The following SV2B variants were observed in gnomAD, a reference collection of about 807,000 sequenced individuals.
The protein encoded by SV2B is solute carrier family 22 member B2.
SV2B carries 41 observed loss-of-function variants against 73.9 expected under a neutral mutation model. The observed-to-expected ratio is 0.56, with a 90% CI of 0.43 to 0.72. SV2B has a LOEUF of 0.72. SV2B is among the 30% of genes least tolerant of loss of function. SV2B has a pLI of 0.00. For missense variants in SV2B, 764 were observed against 857.8 expected (o/e 0.89, Z 1.37); for synonymous variants, 314 against 314.2 (o/e 1.00, Z 0.01).
At position 91,281,510 on chromosome 15, in the gene SV2B, C is replaced by T. The variant is rs560396661; in HGVS notation, c.1374-218C>T. The stretch of plus-strand genomic sequence containing the variant: ...ACCAGCAGGTTGGTGCATAGCACTC[C>T]GTATGCACCTACGCTAGACACTGGC... On this transcript the variant is annotated intron_variant, in intron 9 of 12. Coordinates refer to ENST00000394232, the MANE Select transcript of SV2B (RefSeq NM_001323032.3). This position sits in a 1 kb window ranked among gnomAD's most constrained non-coding sequence, Gnocchi z 4.7. Among the ~76,000 whole-genome samples, 293 of 152,296 alleles carry T rather than the reference C, an allele frequency of 1.9e-3. 1 individual carries two copies. Among genetic ancestry groups the T allele is most frequent in the Non-Finnish European group, 2.9e-3 (199 of 68,032 alleles).
At chr15:91,133,119 G>C (rs1306083939) in intron 1 of SV2B, among the ~76,000 whole-genome samples, 1 of 152,150 alleles carries the variant, frequency 6.6e-6, no homozygotes. Flanking sequence ...ACTTCAATAT[G>C]ATCACAGCAA....
chr15:91,284,095 A>G lies in SV2B; in HGVS notation c.1582A>G (p.Met528Val). 1 of 1,614,134 alleles carries G rather than the reference A, an allele frequency of 6.2e-7. No individual in the cohort carries two copies. Among genetic ancestry groups the G allele is most frequent in the Non-Finnish European group, 8.5e-7 (1 of 1,180,028 alleles). The change falls in exon 11 of 13, where the codon ATG becomes GTG. Residue 528 changes from methionine to valine, a missense_variant. Met to Val is a conservative substitution (Grantham distance 21, BLOSUM62 1). Coordinates refer to ENST00000394232, the MANE Select transcript of SV2B (RefSeq NM_001323032.3). The surrounding 1 kb of genome is among the most constrained non-coding windows in gnomAD (Gnocchi z 4.5). ...TFLEQKEGCH[M>V]DLEQDNDFLI... ...CCTGGAGCAGAAGGAGGGCTGCCAC[A>G]TGGACTTGGAGCAAGATAATGACTT...
In SV2B at chr15:91,252,049, C is replaced by T. The variant is rs373474055; in HGVS notation, c.632+50C>T. On this transcript the variant is annotated intron_variant, in intron 3 of 12. Coordinates refer to ENST00000394232, the MANE Select transcript of SV2B (RefSeq NM_001323032.3). The surrounding 1 kb of genome is among the most constrained non-coding windows in gnomAD (Gnocchi z 4.6). ...GGACCATCCCAGACCAATGGCCCAT[C>T]CATTCTGGTATTCTAGCTCCAAGAG... The T allele has an allele frequency of 3.8e-6, 6 of 1,589,826 alleles. No individual in the cohort carries two copies. The African/African-American group carries it at 5.4e-5, about 14-fold the overall frequency.
In SV2B at chr15:91,137,139, A is replaced by G. The variant is rs915955812; in HGVS notation, c.-392+36776A>G. Among the ~76,000 whole-genome samples, 6 of 152,220 alleles carry G rather than the reference A, an allele frequency of 3.9e-5. No homozygotes were observed. The highest frequency in any genetic ancestry group is 8.8e-5 in the Non-Finnish European group (6 of 68,040). ...TCCTCAGCTGGGAGGTGAGAGGGCC[A>G]GGTCACATAACCTCCAAATCCCATG... On this transcript the variant is annotated intron_variant, in intron 1 of 12. Coordinates refer to ENST00000394232, the MANE Select transcript of SV2B (RefSeq NM_001323032.3). This position sits in a 1 kb window ranked among gnomAD's most constrained non-coding sequence, Gnocchi z 4.9.
In SV2B at chr15:91,234,243, G is replaced by A. The variant is rs527796168; in HGVS notation, c.451+7529G>A. On this transcript the variant is annotated intron_variant, in intron 2 of 12. Transcript: ENST00000394232. This position sits in a 1 kb window ranked among gnomAD's most constrained non-coding sequence, Gnocchi z 5.6. Reference sequence around the variant, plus strand: ...AGACTTACTCACCCTCACTTGGAGGGTTCAGAGGACACATCTTTTACCATG... The same window carrying A: ...AGACTTACTCACCCTCACTTGGAGGATTCAGAGGACACATCTTTTACCATG... Among the ~76,000 whole-genome samples the A allele has an allele frequency of 9.9e-5, 15 of 152,200 alleles. No homozygotes were observed. The highest frequency in any genetic ancestry group is 2.1e-4 in the Non-Finnish European group (14 of 68,032).
At chr15:91,180,949 T>C (rs886192145) in intron 1 of SV2B, among the ~76,000 whole-genome samples, 1 of 152,238 alleles carries the variant, frequency 6.6e-6, no homozygotes, top group Non-Finnish European at 1.5e-5. Flanking sequence ...ACTGCGTTCC[T>C]TTGGAGGAGG....
rs181877968 is a variant in SV2B at position 91,267,310 on chromosome 15, A to C, written c.1120-245A>C. ...ACTCAGTGTGCTTTCAATCACATTC[A>C]TGGAATGCTGTGCTCCCGGGGAAAA... On this transcript the variant is annotated intron_variant, in intron 7 of 12. Transcript: ENST00000394232. This position sits in a 1 kb window ranked among gnomAD's most constrained non-coding sequence, Gnocchi z 4.3. 1.7e-4 allele frequency among the ~76,000 whole-genome samples: 26 copies of C among 152,322 alleles called. No individual in the cohort carries two copies. Among genetic ancestry groups the C allele is most frequent in the African/African-American group, 6.3e-4 (26 of 41,574 alleles).
At chr15:91,133,098 G>C (rs2042707061) in intron 1 of SV2B, among the ~76,000 whole-genome samples, 1 of 152,188 alleles carries the variant, frequency 6.6e-6, no homozygotes. Context: ...GAGGATCATA[G>C]AGATTAAGAG....
intron 6 of SV2B, among the ~76,000 whole-genome samples, chr15:91,262,652 C>G (rs1461640902): frequency 6.6e-6 from 1 of 152,106 alleles, no homozygotes; most frequent in Non-Finnish European, 1.5e-5. Context: ...TGGTTGTTCC[C>G]TTCTTTGTGT....
rs906184727 is a variant in SV2B at position 91,253,561 on chromosome 15, G to A, written c.784+1041G>A. ...ATCTCAGTGTTTTAACACAGTGAAAGCTTCTCCCTTATGTGAGGTCCGGCT... is the reference window on the plus strand; with the variant it reads ...ATCTCAGTGTTTTAACACAGTGAAAACTTCTCCCTTATGTGAGGTCCGGCT... On this transcript the variant is annotated intron_variant, in intron 4 of 12. Transcript: ENST00000394232. The surrounding 1 kb of genome is among the most constrained non-coding windows in gnomAD (Gnocchi z 5.0). 3.3e-5 allele frequency among the ~76,000 whole-genome samples: 5 copies of A among 152,246 alleles called. No individual in the cohort carries two copies. The highest frequency in any genetic ancestry group is 7.3e-5 in the Non-Finnish European group (5 of 68,040).
chr15:91,116,639 G>A (rs997742549), intron 1 of SV2B, among the ~76,000 whole-genome samples: 1 of 152,198 alleles, frequency 6.6e-6, no homozygotes, highest in African/African-American at 2.4e-5. Context: ...TGCATGCACT[G>A]ACAGAGCTAG....
At chr15:91,233,797 C>T (rs1190951855) in intron 2 of SV2B, among the ~76,000 whole-genome samples, 1 of 152,156 alleles carries the variant, frequency 6.6e-6, no homozygotes, top group Non-Finnish European at 1.5e-5. Context: ...GGACCCAACC[C>T]CTCCACCCCT....
chr15:91,219,184 G>T (rs761966646), intron 1 of SV2B, among the ~76,000 whole-genome samples: 2 of 152,122 alleles, frequency 1.3e-5, no homozygotes. Flanking sequence ...CCTGGTCTCA[G>T]GTGATCCACC....
intron 1 of SV2B, among the ~76,000 whole-genome samples, chr15:91,161,955 A>T (rs1416953242): frequency 6.6e-6 from 1 of 152,242 alleles, no homozygotes; most frequent in Admixed American, 6.5e-5. Context: ...GAGGCAAAGA[A>T]TCTAATCTCA....
At chr15:91,230,664 A>G (rs1173947815) in intron 2 of SV2B, among the ~76,000 whole-genome samples, 1 of 152,244 alleles carries the variant, frequency 6.6e-6, no homozygotes, top group Non-Finnish European at 1.5e-5. Context: ...TCAATGAAGA[A>G]GGCATTCATT....
intron 2 of SV2B, among the ~76,000 whole-genome samples, chr15:91,230,154 T>C (rs533978211): frequency 2.0e-3 from 300 of 151,566 alleles, no homozygotes; most frequent in Non-Finnish European, 3.5e-3. Context: ...GGTGGGAGGA[T>C]TGCTTGGGCC....
chr15:91,279,731 C>T (rs1238878735), intron 9 of SV2B, among the ~76,000 whole-genome samples: 1 of 152,208 alleles, frequency 6.6e-6, no homozygotes, highest in Non-Finnish European at 1.5e-5. Context: ...CATCAGCAGC[C>T]TATTACTATA....
Position 91,286,918 on chromosome 15 carries a change from G to T in SV2B, c.1709-2603G>T, listed in dbSNP as rs191123255. Among the ~76,000 whole-genome samples the T allele has an allele frequency of 1.9e-3, 290 of 152,262 alleles. 1 individual carries two copies. The highest frequency in any genetic ancestry group is 3.0e-3 in the Non-Finnish European group (206 of 68,020). On this transcript the variant is annotated intron_variant, in intron 11 of 12. Transcript: ENST00000394232. ...TAACAGAGTTGAAGGATCAGGGAAG[G>T]CCTCCCTGACTATTAGCTGATGTGT...
At chr15:91,147,035 T>C (rs2043166603) in intron 1 of SV2B, among the ~76,000 whole-genome samples, 1 of 152,254 alleles carries the variant, frequency 6.6e-6, no homozygotes, top group South Asian at 2.1e-4. Flanking sequence ...TTTATCCCAT[T>C]AGACTAAGAT....
Sources: gnomAD v4.1 joint callset for allele counts (sites outside exome capture counted in the v4.1 genomes callset) on GRCh38, gnomAD v4.1.1 for gene constraint, Gnocchi (gnomAD v3.1) non-coding constraint, MANE v1.5 for transcripts, NCBI Gene and HGNC (gene_info 2026-07-23, HGNC 2026-07-21) for gene names.